TRIM9: variants seen among roughly 807,000 people sequenced by gnomAD.
The protein encoded by TRIM9 is E3 ubiquitin-protein ligase TRIM9.
TRIM9 carries 26 observed loss-of-function variants against 78.3 expected under a neutral mutation model. The observed-to-expected ratio is 0.33, with a 90% CI of 0.24 to 0.46. The LOEUF (loss-of-function observed/expected upper bound fraction) is 0.46, where lower values mean the gene tolerates loss of function less well. TRIM9 is among the 20% of genes least tolerant of loss of function. The probability of loss-of-function intolerance (pLI) is 1.00; values close to 1 mark genes in which losing one functional copy is unlikely to be tolerated. For synonymous variants in TRIM9, 398 were observed against 416.5 expected, an observed-to-expected ratio of 0.96 and a Z score of 0.54; for missense variants, 787 against 1,036.4, an observed-to-expected ratio of 0.76 and a Z score of 3.30.
intron 8 of TRIM9, among the ~76,000 whole-genome samples, chr14:50,984,548 C>T (rs11157785): frequency 6.6e-6 from 1 of 151,976 alleles, no homozygotes; most frequent in African/African-American, 2.4e-5. Flanking sequence ...AGCATAGTGA[C>T]TATGGAATAC....
Position 50,982,010 on chromosome 14 carries a change from C to A in TRIM9, c.1952G>T (p.Arg651Leu). 6.2e-7 allele frequency: 1 copy of A among 1,614,128 alleles called. No individual in the cohort carries two copies. Among genetic ancestry groups the A allele is most frequent in the Non-Finnish European group, 8.5e-7 (1 of 1,180,038 alleles). Residue 651 changes from arginine to leucine, a missense_variant, in exon 11 of 13, where the codon CGG becomes CTG. Arg to Leu is a moderately radical substitution (Grantham distance 102). Around this residue, in one of 3 missense-constraint regions of TRIM9, gnomAD observed 421 missense variants for 514.3 expected, o/e 0.82. Transcript: ENST00000684578. ...GAAGCCAGTCTTCCCTAGCACCACC[C>A]GGTCATCATAGCTACTACAGGTCAC... ...LTVTCSSYDD[R>L]VVLGKTGFSK...
intron 7 of TRIM9, chr14:50,997,222 T>C: frequency 1.0e-6 from 1 of 985,344 alleles, no homozygotes; most frequent in Non-Finnish European, 1.2e-6. Flanking sequence ...AAAATGAAAA[T>C]GTTAAAAGCC....
At chr14:51,044,400 C>A (rs1222419494) in intron 1 of TRIM9, among the ~76,000 whole-genome samples, 1 of 152,166 alleles carries the variant, frequency 6.6e-6, no homozygotes, top group Non-Finnish European at 1.5e-5. Context: ...TCTGAACCTC[C>A]TCTGCAGCTA....
At chr14:51,031,147 C>CAAAAAAAAAAAAAAA (rs1210514761) in intron 1 of TRIM9, among the ~76,000 whole-genome samples, 2 of 100,728 alleles carry the variant, frequency 2.0e-5, no homozygotes, top group African/African-American at 8.1e-5. Flanking sequence ...AAACTCTTTC[C>CAAAAAAAAAAAAAAA]AAAAAAAAAA....
intron 1 of TRIM9, among the ~76,000 whole-genome samples, chr14:51,087,764 A>C (rs1018765464): frequency 6.6e-6 from 1 of 152,242 alleles, no homozygotes; most frequent in Admixed American, 6.5e-5. Context: ...GCAATATTAA[A>C]GTTTTAAGCT....
intron 1 of TRIM9, among the ~76,000 whole-genome samples, chr14:51,087,764 A>G (rs1018765464): frequency 2.0e-5 from 3 of 152,242 alleles, no homozygotes; most frequent in African/African-American, 7.2e-5. Flanking sequence ...GCAATATTAA[A>G]GTTTTAAGCT....
chr14:50,988,738 C>G (rs1434309904), intron 7 of TRIM9, among the ~76,000 whole-genome samples: 1 of 152,212 alleles, frequency 6.6e-6, no homozygotes, highest in Non-Finnish European at 1.5e-5. Flanking sequence ...CACTTTCCAA[C>G]TGATCCCAGC....
chr14:51,022,978 C>A (rs759403634), intron 2 of TRIM9, 21 bp from the exon 3 acceptor site: 8 of 1,612,948 alleles, frequency 5.0e-6, no homozygotes, highest in Non-Finnish European at 6.8e-6. Flanking sequence ...GAGCACATTT[C>A]TCAACTGCAA....
chr14:51,017,521 A>G (rs1233536583), intron 3 of TRIM9, among the ~76,000 whole-genome samples: 1 of 152,254 alleles, frequency 6.6e-6, no homozygotes, highest in Non-Finnish European at 1.5e-5. Context: ...CGTACAGAGA[A>G]GTTAATAAAA....
chr14:51,011,390 C>T (rs2056566621), intron 3 of TRIM9, among the ~76,000 whole-genome samples: 2 of 152,156 alleles, frequency 1.3e-5, no homozygotes, highest in African/African-American at 2.4e-5. Context: ...TGGGGTCCTC[C>T]CATGTTGCCC....
intron 1 of TRIM9, among the ~76,000 whole-genome samples, chr14:51,077,369 G>A (rs1309612168): frequency 6.8e-6 from 1 of 146,100 alleles, no homozygotes; most frequent in Non-Finnish European, 1.5e-5. Flanking sequence ...CTGGCCCTCA[G>A]TCTCATCTCC....
chr14:51,088,597 A>G (rs113571366), intron 1 of TRIM9, among the ~76,000 whole-genome samples: 1 of 152,126 alleles, frequency 6.6e-6, no homozygotes, highest in South Asian at 2.1e-4. Flanking sequence ...TGTCTGGCCT[A>G]ATGTTCTTAA....
At chr14:51,039,904 G>T (rs1287521516) in intron 1 of TRIM9, among the ~76,000 whole-genome samples, 1 of 151,640 alleles carries the variant, frequency 6.6e-6, no homozygotes, top group Non-Finnish European at 1.5e-5. Flanking sequence ...CCGCCACCAC[G>T]CCCAGCTAAT....
At chr14:51,005,979 A>G (rs992223474) in intron 5 of TRIM9, among the ~76,000 whole-genome samples, 1 of 152,224 alleles carries the variant, frequency 6.6e-6, no homozygotes, top group East Asian at 1.9e-4. Context: ...GAAAATACGT[A>G]AAAGCCAACT....
intron 3 of TRIM9, among the ~76,000 whole-genome samples, chr14:51,018,017 A>G (rs2057381522): frequency 1.3e-5 from 2 of 152,186 alleles, no homozygotes; most frequent in Admixed American, 1.3e-4. Context: ...GTAATCAATC[A>G]TAATTGTGGT....
chr14:51,021,757 T>A (rs955957866), intron 3 of TRIM9, among the ~76,000 whole-genome samples: 1 of 152,196 alleles, frequency 6.6e-6, no homozygotes, highest in African/African-American at 2.4e-5. Context: ...TTCCCATGCA[T>A]TCATCCTTCC....
intron 5 of TRIM9, among the ~76,000 whole-genome samples, chr14:51,002,123 G>T (rs917225036): frequency 7.1e-6 from 1 of 141,782 alleles, no homozygotes; most frequent in Non-Finnish European, 1.5e-5. Flanking sequence ...GTGTGTGTGT[G>T]TGTTTTTCTT....
chr14:51,063,784 T>C (rs1274177888), intron 1 of TRIM9, among the ~76,000 whole-genome samples: 1 of 152,074 alleles, frequency 6.6e-6, no homozygotes, highest in Non-Finnish European at 1.5e-5. Flanking sequence ...TTTAGATAAA[T>C]AGAAGCTAAG....
rs2058460952 is a variant in TRIM9 at position 51,028,622 on chromosome 14, C to A, written c.823-3262G>T. Among the ~76,000 whole-genome samples the A allele has an allele frequency of 3.3e-5, 5 of 152,198 alleles. No individual in the cohort carries two copies. The South Asian group carries it at 1.0e-3, about 32-fold the overall frequency. ...CGGCATCTTTGGTGGTACAAGCAGT[C>A]ATTTAAGGGAGAAAGGTACGTTCTA... is the stretch of plus-strand genomic sequence containing the variant. On this transcript the variant is annotated intron_variant, in intron 1 of 12. Coordinates refer to ENST00000684578, the MANE Select transcript of TRIM9 (RefSeq NM_001387360.1).
Sources: allele counts gnomAD v4.1 joint callset (sites outside exome capture counted in the v4.1 genomes callset), GRCh38; gene constraint gnomAD v4.1.1; regional missense constraint gnomAD v4.1.1; transcripts MANE v1.5; gene names NCBI Gene and HGNC (gene_info 2026-07-23, HGNC 2026-07-21).